The following ARNT2 variants were observed in gnomAD, a reference collection of about 807,000 sequenced individuals.
The protein encoded by ARNT2 is ARNT protein 2.
A neutral mutation model predicts 91.7 loss-of-function variants in ARNT2; 36 were observed. The observed-to-expected ratio is 0.39, with a 90% confidence interval of 0.30 to 0.52. ARNT2 has a LOEUF of 0.52. Among genes scored for constraint, ARNT2 ranks in the 20% least tolerant of loss-of-function variants. The probability of loss-of-function intolerance (pLI) is 0.72; values close to 1 mark genes in which losing one functional copy is unlikely to be tolerated. For synonymous variants in ARNT2, 365 were observed against 347.1 expected (o/e 1.05, Z -0.57); for missense variants, 775 against 939.3 (o/e 0.83, Z 2.29).
chr15:80,513,834 C>T (rs1897383353), intron 6 of ARNT2, 77 bp from the exon 7 acceptor site: 2 of 1,248,274 alleles, frequency 1.6e-6, no homozygotes, highest in Non-Finnish European at 2.3e-6. Context: ...TAAGGCTCAT[C>T]TACTTGATGG....
intron 17 of ARNT2, among the ~76,000 whole-genome samples, chr15:80,581,827 TCTTA>T (rs753929726): frequency 1.3e-5 from 2 of 152,230 alleles, no homozygotes; most frequent in Non-Finnish European, 2.9e-5. Context: ...AAAACACCTA[TCTTA>T]CTTTGTTAAC....
intron 1 of ARNT2, among the ~76,000 whole-genome samples, chr15:80,419,737 G>T (rs1895835185): frequency 1.3e-5 from 2 of 152,192 alleles, no homozygotes; most frequent in South Asian, 2.1e-4. Flanking sequence ...ATGTGGCAGG[G>T]TCCTGGAAAG....
At chr15:80,575,826 CA>C (rs1031682141) in intron 14 of ARNT2, among the ~76,000 whole-genome samples, 6 of 152,288 alleles carry the variant, frequency 3.9e-5, no homozygotes, top group East Asian at 1.9e-4. Context: ...TGAGGGTGGC[CA>C]GGGGTAGCTG....
intron 10 of ARNT2, chr15:80,554,579 C>CTAA (rs1306205735): frequency 2.5e-5 from 4 of 159,362 alleles, no homozygotes; most frequent in African/African-American, 9.6e-5. Flanking sequence ...GTAGCATAGA[C>CTAA]TAATGATGAT....
At chr15:80,417,116 TA>T (rs35369275) in intron 1 of ARNT2, among the ~76,000 whole-genome samples, 113,833 of 152,110 alleles carry the variant, frequency 0.75, 42,859 homozygotes, top group East Asian at 0.8. Context: ...ATATCTCTAA[TA>T]AAAGTCAATA....
chr15:80,470,254 C>T lies in ARNT2; in HGVS notation c.231C>T (p.Asn77=), dbSNP rs1484555004. Residue 77 remains asparagine (N), a synonymous_variant, in exon 4 of 19, where the codon AAC becomes AAT. Transcript: ENST00000303329. The stretch of plus-strand genomic sequence containing the variant: ...GTGAAATCGAAAGGCGCAGACGGAA[C>T]AAGATGACTCAGTACATCACGGAGC... ...NHSEIERRRR[N]KMTQYITELS... 3.7e-6 allele frequency: 6 copies of T among 1,614,160 alleles called. No individual in the cohort carries two copies. Among genetic ancestry groups the T allele is most frequent in the Non-Finnish European group, 8.5e-7 (1 of 1,180,032 alleles).
chr15:80,468,458 C>A (rs898086296), intron 3 of ARNT2, among the ~76,000 whole-genome samples: 1 of 152,146 alleles, frequency 6.6e-6, no homozygotes, highest in Admixed American at 6.5e-5. Context: ...TCTACCCTTC[C>A]GTCTAGGCCT....
intron 1 of ARNT2, among the ~76,000 whole-genome samples, chr15:80,414,822 C>T (rs1895754564): frequency 6.6e-6 from 1 of 151,552 alleles, no homozygotes; most frequent in Admixed American, 6.6e-5. Context: ...TCAGTTCAGC[C>T]AGCCTCCCTG....
chr15:80,560,203 A>G (rs185883653), intron 11 of ARNT2: 2 of 152,358 alleles, frequency 1.3e-5, no homozygotes, highest in East Asian at 1.9e-4. Flanking sequence ...TCTGGGTTAC[A>G]GTTATCTACA....
chr15:80,441,495 GGA>G (rs1896188916), intron 1 of ARNT2: 2 of 660,738 alleles, frequency 3.0e-6, no homozygotes, highest in African/African-American at 4.0e-5. Context: ...TCCCAGCCAT[GGA>G]AAGAGCCTTT....
chr15:80,564,209 C>T (rs1353680517), intron 12 of ARNT2, among the ~76,000 whole-genome samples: 2 of 152,094 alleles, frequency 1.3e-5, no homozygotes, highest in South Asian at 2.1e-4. Flanking sequence ...AGCACTCAGT[C>T]GGGGGACCTG....
Position 80,593,899 on chromosome 15 carries a change from C to T in ARNT2, c.*201C>T, listed in dbSNP as rs1893330015. 8.6e-6 allele frequency: 5 copies of T among 578,922 alleles called. 1 individual carries two copies. The highest frequency in any genetic ancestry group is 8.5e-5 in the East Asian group (3 of 35,250). The allele number at this position is 578,922 out of a possible 1,614,324, so 35.9% of individuals were successfully genotyped here. A position where few individuals can be genotyped will look rare whatever the true frequency, so the allele number is the denominator to read the frequency against. On this transcript the variant is annotated 3_prime_UTR_variant, in exon 19 of 19. Coordinates refer to ENST00000303329, the MANE Select transcript of ARNT2 (RefSeq NM_014862.4). ...GGCTGCTCGGCCACTGACCAGGGGC[C>T]CTGGCAGACATTAGGGGATCAGTTG...
Position 80,441,299 on chromosome 15 carries a change from T to C in ARNT2, c.32-9581T>C. 4.1e-6 allele frequency: 4 copies of C among 985,092 alleles called. No homozygotes were observed. The African/African-American group carries it at 5.2e-5, about 13-fold the overall frequency. 61.0% of individuals were successfully genotyped at this position (985,092 alleles called of 1,614,324 possible). On this transcript the variant is annotated intron_variant, in intron 1 of 18. Transcript: ENST00000303329. Reference sequence around the variant, plus strand: ...TTTCCTCCCAGAGGTTTCTGACATTTCTTCTACACGGATAACAGATTCTCC... The same window carrying C: ...TTTCCTCCCAGAGGTTTCTGACATTCCTTCTACACGGATAACAGATTCTCC...
Position 80,591,570 on chromosome 15 carries a change from G to A in ARNT2, c.1921G>A (p.Glu641Lys). 1 of 1,614,172 alleles carries A rather than the reference G, an allele frequency of 6.2e-7. No homozygotes were observed. Among genetic ancestry groups the A allele is most frequent in the Non-Finnish European group, 8.5e-7 (1 of 1,180,030 alleles). ...SLANRTPGFA[E>K]SGQSSGQFQG... ...GTCCTGTGTGTCGAATCTTTCAGCT[G>A]AAAGTGGACAAAGTAGCGGGCAGTT... Residue 641 changes from glutamate (E) to lysine (K), a missense_variant and splice_region_variant, in exon 18 of 19, where the codon GAA (glutamate) becomes AAA (lysine). This residue lies in a region of ARNT2 where 325 missense variants were observed against 359.9 expected (regional missense o/e 0.90). Coordinates refer to ENST00000303329, the MANE Select transcript of ARNT2 (RefSeq NM_014862.4). The surrounding 1 kb of genome is among the most constrained non-coding windows in gnomAD (Gnocchi z 5.1).
At chr15:80,435,334 A>G (rs1401614006) in intron 1 of ARNT2, among the ~76,000 whole-genome samples, 1 of 152,182 alleles carries the variant, frequency 6.6e-6, no homozygotes, top group African/African-American at 2.4e-5. Context: ...ACTTTTGAAG[A>G]ACCCTGAGCC....
chr15:80,563,338 C>T (rs1014945272), intron 12 of ARNT2, 99 bp downstream of exon 12: 30 of 1,458,146 alleles, frequency 2.1e-5, no homozygotes, highest in Middle Eastern at 1.8e-4. Flanking sequence ...TGCCGGCTCT[C>T]CCTGCAGCTG....
At position 80,597,089 on chromosome 15, in the gene ARNT2, GC is replaced by G. The variant is rs1893385658; in HGVS notation, c.*3392del. On this transcript the variant is annotated 3_prime_UTR_variant, in exon 19 of 19. Transcript: ENST00000303329. ...GTTGTTAAGGAACTTACACTGGGGA[GC>G]TTTACTCTTCCGTGTCAACAATGTG... The G allele has an allele frequency of 1.9e-6, 1 of 513,634 alleles. No homozygotes were observed. Among genetic ancestry groups the G allele is most frequent in the Non-Finnish European group, 3.9e-6 (1 of 256,744 alleles). The allele number at this position is 513,634 out of a possible 1,614,324, so 31.8% of individuals were successfully genotyped here. A position where few individuals can be genotyped will look rare whatever the true frequency, so the allele number is the denominator to read the frequency against.
chr15:80,536,403 A>G (rs1897824203), intron 8 of ARNT2, among the ~76,000 whole-genome samples: 2 of 152,128 alleles, frequency 1.3e-5, no homozygotes, highest in Non-Finnish European at 1.5e-5. Context: ...TGGGATCTCT[A>G]CTTGGCCAGT....
chr15:80,547,133 C>T (rs1360570942), intron 8 of ARNT2, among the ~76,000 whole-genome samples: 2 of 152,144 alleles, frequency 1.3e-5, no homozygotes, highest in South Asian at 2.1e-4. Flanking sequence ...GTCCCTGAAA[C>T]GTCTTCAAGG....
Sources: gnomAD v4.1 joint callset for allele counts (sites outside exome capture counted in the v4.1 genomes callset) on GRCh38, gnomAD v4.1.1 for gene constraint, gnomAD v4.1.1 regional missense constraint, Gnocchi (gnomAD v3.1) non-coding constraint, MANE v1.5 for transcripts, NCBI Gene and HGNC (gene_info 2026-07-23, HGNC 2026-07-21) for gene names.